The following DLGAP2 variants were observed in gnomAD, a reference collection of about 807,000 sequenced individuals.
DLGAP2 encodes the protein disks large-associated protein 2.
In DLGAP2, 26 loss-of-function variants were observed where a neutral mutation model predicts 100.3. The observed-to-expected ratio is 0.26, with a 90% CI of 0.19 to 0.36. The LOEUF (loss-of-function observed/expected upper bound fraction) is 0.36, where lower values mean the gene tolerates loss of function less well. Ranked by LOEUF, DLGAP2 falls within the 10% of genes least tolerant of loss-of-function variation. The pLI is 1.00. For missense variants in DLGAP2, 1,858 were observed against 1,453.2 expected, an observed-to-expected ratio of 1.28 and a Z score of -4.53; for synonymous variants, 886 against 630.1, an observed-to-expected ratio of 1.41 and a Z score of -6.08.
At chr8:1,203,336 A>G (rs55945870) in intron 2 of DLGAP2, among the ~76,000 whole-genome samples, 56,359 of 129,234 alleles carry the variant, frequency 0.44, 20,080 homozygotes, top group Non-Finnish European at 0.59. Context: ...TGACGAGGCC[A>G]CCCACCCCTC....
At chr8:776,017 A>C (rs1296562561) in intron 1 of DLGAP2, among the ~76,000 whole-genome samples, 1 of 151,940 alleles carries the variant, frequency 6.6e-6, no homozygotes, top group Non-Finnish European at 1.5e-5. Context: ...GATTATTGCC[A>C]CAATTTCAGA....
chr8:1,234,446 T>C (rs1414147584), intron 2 of DLGAP2, among the ~76,000 whole-genome samples: 3 of 152,172 alleles, frequency 2.0e-5, no homozygotes, highest in Non-Finnish European at 4.4e-5. Context: ...CAGTGTCAGC[T>C]TTTCATAAGG....
At chr8:1,061,932 C>T (rs551536399) in intron 2 of DLGAP2, among the ~76,000 whole-genome samples, 72 of 152,086 alleles carry the variant, frequency 4.7e-4, no homozygotes, top group Non-Finnish European at 7.8e-4. Context: ...AGCACTGTGA[C>T]GCTCCCTAGG....
At chr8:1,062,324 C>T (rs751741976) in intron 2 of DLGAP2, among the ~76,000 whole-genome samples, 35 of 152,190 alleles carry the variant, frequency 2.3e-4, no homozygotes, top group Non-Finnish European at 4.0e-4. Flanking sequence ...CAGCCTGGTC[C>T]GGGCTGTGGC....
chr8:785,738 C>T (rs1262948201), intron 1 of DLGAP2, among the ~76,000 whole-genome samples: 1 of 43,154 alleles, frequency 2.3e-5, no homozygotes, highest in Non-Finnish European at 5.2e-5. Flanking sequence ...GGCCTCCCTC[C>T]TCCCCTCAGG....
At chr8:1,229,401 A>G in intron 2 of DLGAP2, among the ~76,000 whole-genome samples, 2 of 152,092 alleles carry the variant, frequency 1.3e-5, no homozygotes, top group East Asian at 3.9e-4. Flanking sequence ...CAGTTTTGGA[A>G]CTTGATAATG....
At position 849,433 on chromosome 8, in the gene DLGAP2, T is replaced by A. The variant is rs1237636981; in HGVS notation, c.19-58479T>A. ...TGAGCGCAGGAGTTTTTGTGGAAAT[T>A]GGGTTCATATTTCACTTGGGCATTT... On this transcript the variant is annotated intron_variant, in intron 1 of 14. Coordinates refer to ENST00000637795, the MANE Select transcript of DLGAP2 (RefSeq NM_001346810.2). Among the ~76,000 whole-genome samples, 5 of 152,330 alleles carry A rather than the reference T, an allele frequency of 3.3e-5. No homozygotes were observed. In the East Asian group the frequency reaches 9.7e-4, roughly 29 times the overall value.
chr8:1,331,458 G>A (rs531005300), intron 3 of DLGAP2, among the ~76,000 whole-genome samples: 8 of 152,246 alleles, frequency 5.3e-5, no homozygotes, highest in African/African-American at 1.4e-4. Flanking sequence ...GCACCATGCC[G>A]GGCAAACAAC....
chr8:1,131,043 G>T (rs562532663), intron 2 of DLGAP2, among the ~76,000 whole-genome samples: 15 of 152,240 alleles, frequency 9.9e-5, no homozygotes, highest in Non-Finnish European at 1.9e-4. Flanking sequence ...AGAAGGATGC[G>T]CATTATTTTC....
chr8:1,164,854 A>C (rs1255466907), intron 2 of DLGAP2, among the ~76,000 whole-genome samples: 1 of 152,126 alleles, frequency 6.6e-6, no homozygotes, highest in East Asian at 1.9e-4. Context: ...AGCGTTGCTG[A>C]GACAGCTCCA....
intron 2 of DLGAP2, among the ~76,000 whole-genome samples, chr8:1,142,622 G>C (rs1227598320): frequency 6.6e-6 from 1 of 152,240 alleles, no homozygotes; most frequent in African/African-American, 2.4e-5. Context: ...GGAGTCACAG[G>C]GTTTTGGGAA....
At chr8:872,666 A>G (rs1797620560) in intron 1 of DLGAP2, among the ~76,000 whole-genome samples, 1 of 152,098 alleles carries the variant, frequency 6.6e-6, no homozygotes, top group Non-Finnish European at 1.5e-5. Flanking sequence ...TTGAGATATA[A>G]TTCATATACC....
intron 4 of DLGAP2, among the ~76,000 whole-genome samples, chr8:1,543,701 A>C (rs1462705048): frequency 6.6e-6 from 1 of 152,188 alleles, no homozygotes; most frequent in Non-Finnish European, 1.5e-5. Flanking sequence ...TGGCTTTTGC[A>C]CTTCTGCAAA....
At chr8:1,658,736 G>A (rs553004398) in intron 8 of DLGAP2, among the ~76,000 whole-genome samples, 3 of 151,904 alleles carry the variant, frequency 2.0e-5, no homozygotes, top group Non-Finnish European at 4.4e-5. Flanking sequence ...TTCTCTCTTC[G>A]CTTCTTTATT....
intron 1 of DLGAP2, among the ~76,000 whole-genome samples, chr8:799,361 G>T (rs1360713593): frequency 6.6e-6 from 1 of 152,056 alleles, no homozygotes; most frequent in Admixed American, 6.6e-5. Context: ...GGAGGGGGTT[G>T]AATAATTAGG....
At chr8:785,194 C>A (rs1253003454) in intron 1 of DLGAP2, among the ~76,000 whole-genome samples, 6 of 119,392 alleles carry the variant, frequency 5.0e-5, no homozygotes, top group Admixed American at 5.0e-4. Context: ...TTTGGCCTGG[C>A]CTGGGCGACA....
intron 1 of DLGAP2, among the ~76,000 whole-genome samples, chr8:794,316 G>A (rs1563436685): frequency 6.6e-6 from 1 of 152,120 alleles, no homozygotes; most frequent in Non-Finnish European, 1.5e-5. Context: ...GGTGCTAGAG[G>A]AATTAAAGAC....
rs74578714 is a variant in DLGAP2 at position 1,408,852 on chromosome 8, G to A, written c.107-92514G>A. Among the ~76,000 whole-genome samples, 558 of 152,170 alleles carry A rather than the reference G, an allele frequency of 3.7e-3. 9 individuals are homozygous for A. In the East Asian group the frequency reaches 0.047, roughly 13 times the overall value. On this transcript the variant is annotated intron_variant, in intron 3 of 14. Coordinates refer to ENST00000637795, the MANE Select transcript of DLGAP2 (RefSeq NM_001346810.2). ...TGACTGTCATTTAACATTAAGGTGC[G>A]CAGGGCACAGAGAAGAAAGCTGGGC...
At chr8:1,428,191 CTA>C (rs1797291916) in intron 3 of DLGAP2, among the ~76,000 whole-genome samples, 1 of 151,750 alleles carries the variant, frequency 6.6e-6, no homozygotes. Flanking sequence ...TAGACAATCT[CTA>C]TCAAAACTCA....
Sources: gnomAD v4.1 joint callset for allele counts (sites outside exome capture counted in the v4.1 genomes callset) on GRCh38, gnomAD v4.1.1 for gene constraint, MANE v1.5 for transcripts, NCBI Gene and HGNC (gene_info 2026-07-23, HGNC 2026-07-21) for gene names.